The following ABTB3 variants were observed in gnomAD, a reference collection of about 807,000 sequenced individuals.
ABTB3 encodes the protein ankyrin repeat and BTB domain containing 3.
At chr12:107,492,123 G>A in the ABTB3 span, among the ~76,000 whole-genome samples, 1 of 152,124 alleles carries the variant, frequency 6.6e-6, no homozygotes, top group Non-Finnish European at 1.5e-5. Context: ...GCAGCCTCAC[G>A]CTGATTCGCT....
chr12:107,389,880 G>GTGTGTGTGTGTGTGTGTGTGTA, the ABTB3 span, among the ~76,000 whole-genome samples: 1 of 134,668 alleles, frequency 7.4e-6, no homozygotes, highest in African/African-American at 2.8e-5. Flanking sequence ...GTGTGTGTGT[G>GTGTGTGTGTGTGTGTGTGTGTA]TGTATGTATC....
the ABTB3 span, among the ~76,000 whole-genome samples, chr12:107,566,178 A>T: frequency 6.6e-6 from 1 of 152,014 alleles, no homozygotes. Context: ...CTTTTCCTTG[A>T]TTTTTAATTC....
chr12:107,598,642 A>G, the ABTB3 span, among the ~76,000 whole-genome samples: 1 of 152,356 alleles, frequency 6.6e-6, no homozygotes, highest in African/African-American at 2.4e-5. Flanking sequence ...AGAAGCTAAT[A>G]TGTTGGGATA....
chr12:107,465,495 A>G, the ABTB3 span, among the ~76,000 whole-genome samples: 1 of 152,194 alleles, frequency 6.6e-6, no homozygotes, highest in Non-Finnish European at 1.5e-5. Context: ...GTAGGGACTC[A>G]ATGATGGTTT....
the ABTB3 span, chr12:107,642,053 T>C: frequency 6.3e-7 from 1 of 1,585,768 alleles, no homozygotes; most frequent in East Asian, 2.2e-5. Flanking sequence ...GATTTGTGTG[T>C]GAGTCTTTTT....
the ABTB3 span, among the ~76,000 whole-genome samples, chr12:107,362,162 A>G: frequency 0.01 from 1,541 of 152,326 alleles, 14 homozygotes; most frequent in Non-Finnish European, 0.017. Flanking sequence ...TGGTGTAGCC[A>G]CAGTTGGCTT....
the ABTB3 span, among the ~76,000 whole-genome samples, chr12:107,354,402 A>C: frequency 6.6e-6 from 1 of 151,940 alleles, no homozygotes; most frequent in Admixed American, 6.6e-5. Flanking sequence ...CCTTTTGTCT[A>C]TCTTCTCCCC....
chr12:107,460,441 G>A, the ABTB3 span, among the ~76,000 whole-genome samples: 978 of 152,346 alleles, frequency 6.4e-3, 2 homozygotes, highest in Non-Finnish European at 0.011. Flanking sequence ...GATCACCTGA[G>A]TGCAGGAGTT....
At chr12:107,608,964 AAAAT>A in the ABTB3 span, among the ~76,000 whole-genome samples, 10 of 85,786 alleles carry the variant, frequency 1.2e-4, no homozygotes, top group African/African-American at 4.3e-4. Flanking sequence ...AATATAAAAT[AAAAT>A]ATAAAATAAA....
the ABTB3 span, chr12:107,649,526 A>C: frequency 2.1e-6 from 1 of 480,950 alleles, no homozygotes; most frequent in East Asian, 3.5e-5. Context: ...TTTAGTAGCC[A>C]CTGAGTGAAA....
the ABTB3 span, among the ~76,000 whole-genome samples, chr12:107,518,209 C>G: frequency 1.3e-5 from 2 of 152,126 alleles, no homozygotes; most frequent in Non-Finnish European, 2.9e-5. Context: ...GTGGCGATTC[C>G]TCAGGGATCT....
chr12:107,609,979 T>C, the ABTB3 span: 1 of 593,430 alleles, frequency 1.7e-6, no homozygotes, highest in Non-Finnish European at 3.0e-6. Flanking sequence ...CAGTATGCTA[T>C]GGGAGCACAC....
At chr12:107,346,625 A>G in the ABTB3 span, among the ~76,000 whole-genome samples, 1 of 152,024 alleles carries the variant, frequency 6.6e-6, no homozygotes, top group African/African-American at 2.4e-5. Context: ...ACGCCTGGCT[A>G]ATTTTCTGTA....
the ABTB3 span, among the ~76,000 whole-genome samples, chr12:107,491,203 C>T: frequency 6.6e-6 from 1 of 152,168 alleles, no homozygotes. Context: ...AAGTGAATGG[C>T]TCCTTCGCCC....
chr12:107,648,380 CCACA>C, the ABTB3 span, among the ~76,000 whole-genome samples: 1,729 of 140,150 alleles, frequency 0.012, 40 homozygotes, highest in African/African-American at 0.043. Flanking sequence ...GACCCCATCT[CCACA>C]CACACACACA....
chr12:107,539,171 G>C, the ABTB3 span, among the ~76,000 whole-genome samples: 1 of 152,092 alleles, frequency 6.6e-6, no homozygotes, highest in African/African-American at 2.4e-5. Context: ...GACATGGTAG[G>C]TGCTCAGCAT....
the ABTB3 span, among the ~76,000 whole-genome samples, chr12:107,373,751 G>C: frequency 6.6e-6 from 1 of 152,236 alleles, no homozygotes; most frequent in Non-Finnish European, 1.5e-5. Context: ...TGGAGCCCAG[G>C]TGTCTGGGCT....
chr12:107,389,682 G>C, the ABTB3 span, among the ~76,000 whole-genome samples: 1 of 151,964 alleles, frequency 6.6e-6, no homozygotes, highest in African/African-American at 2.4e-5. Flanking sequence ...ACTGAGCTCA[G>C]CTGGATGGTT....
At chr12:107,411,904 GT>G in the ABTB3 span, among the ~76,000 whole-genome samples, 1 of 152,180 alleles carries the variant, frequency 6.6e-6, no homozygotes, top group East Asian at 1.9e-4. Context: ...CAGACCGGTG[GT>G]TCTGGGGACT....
Sources: allele counts gnomAD v4.1 joint callset (sites outside exome capture counted in the v4.1 genomes callset), GRCh38; gene constraint gnomAD v4.1.1; transcripts MANE v1.5; gene names NCBI Gene and HGNC (gene_info 2026-07-23, HGNC 2026-07-21).